AGBL4: variants seen among roughly 807,000 people sequenced by gnomAD.
AGBL4 encodes the protein AGBL carboxypeptidase 4.
In AGBL4, 58 loss-of-function variants were observed where a neutral mutation model predicts 66.4. That is an observed-to-expected ratio of 0.87 (90% CI 0.71 to 1.09). AGBL4 has a LOEUF of 1.09. Ranked by LOEUF, AGBL4 falls within the 50% of genes least tolerant of loss-of-function variation. The pLI is 0.00. For synonymous variants in AGBL4, 234 were observed against 222.9 expected, an observed-to-expected ratio of 1.05 and a Z score of -0.44; for missense variants, 579 against 631.0, an observed-to-expected ratio of 0.92 and a Z score of 0.88.
chr1:49,367,629 C>A (rs759520101), intron 3 of AGBL4, among the ~76,000 whole-genome samples: 27 of 152,150 alleles, frequency 1.8e-4, no homozygotes, highest in Non-Finnish European at 3.4e-4. Context: ...AAGATCCCAC[C>A]ATCGTGTGCA....
At chr1:49,469,417 T>C (rs1646696202) in intron 3 of AGBL4, among the ~76,000 whole-genome samples, 1 of 151,850 alleles carries the variant, frequency 6.6e-6, no homozygotes, top group Non-Finnish European at 1.5e-5. Context: ...TCCAATCAAA[T>C]AAGAGATTGG....
chr1:49,987,588 A>G (rs1321211082), intron 1 of AGBL4, among the ~76,000 whole-genome samples: 2 of 152,102 alleles, frequency 1.3e-5, no homozygotes, highest in Non-Finnish European at 2.9e-5. Context: ...GTTTGGTGTT[A>G]TCCATCTAAA....
At chr1:48,881,936 G>A (rs1649830146) in intron 5 of AGBL4, among the ~76,000 whole-genome samples, 1 of 152,160 alleles carries the variant, frequency 6.6e-6, no homozygotes, top group South Asian at 2.1e-4. Context: ...AGCCACATTG[G>A]CTTTGCCTCA....
intron 6 of AGBL4, among the ~76,000 whole-genome samples, chr1:48,700,600 A>G (rs1254995320): frequency 6.6e-6 from 1 of 152,198 alleles, no homozygotes; most frequent in East Asian, 1.9e-4. Flanking sequence ...CTGCCACACT[A>G]TCTGCATGTC....
At chr1:49,754,244 A>G (rs1571491711) in intron 2 of AGBL4, among the ~76,000 whole-genome samples, 1 of 148,096 alleles carries the variant, frequency 6.8e-6, no homozygotes, top group African/African-American at 2.5e-5. Context: ...TGACCTTCGG[A>G]TGGGGTTTTT....
chr1:48,610,891 G>T (rs1262751817), intron 9 of AGBL4, among the ~76,000 whole-genome samples: 5 of 152,126 alleles, frequency 3.3e-5, no homozygotes, highest in African/African-American at 1.2e-4. Flanking sequence ...AAGAAGGGGG[G>T]CATCAAATAC....
At chr1:48,667,050 C>T (rs918357383) in intron 6 of AGBL4, among the ~76,000 whole-genome samples, 2 of 152,210 alleles carry the variant, frequency 1.3e-5, no homozygotes, top group Non-Finnish European at 2.9e-5. Flanking sequence ...CAAATTTGTG[C>T]TTTTAACTAC....
At chr1:49,486,104 C>T (rs1443470773) in intron 3 of AGBL4, among the ~76,000 whole-genome samples, 1 of 151,850 alleles carries the variant, frequency 6.6e-6, no homozygotes, top group Non-Finnish European at 1.5e-5. Context: ...GAGTGAGTCC[C>T]ACCTCTTCTC....
chr1:49,097,982 G>A (rs1334442439), intron 4 of AGBL4, among the ~76,000 whole-genome samples: 2 of 152,208 alleles, frequency 1.3e-5, no homozygotes, highest in Non-Finnish European at 2.9e-5. Flanking sequence ...CTACCTAGTT[G>A]AAAAATTCAG....
chr1:49,037,533 C>G (rs936770579), intron 5 of AGBL4, among the ~76,000 whole-genome samples: 1 of 152,018 alleles, frequency 6.6e-6, no homozygotes, highest in African/African-American at 2.4e-5. Flanking sequence ...CTGTCACCAC[C>G]CTTCCTATTT....
intron 3 of AGBL4, among the ~76,000 whole-genome samples, chr1:49,298,805 G>A (rs1424869443): frequency 1.3e-5 from 2 of 152,198 alleles, no homozygotes; most frequent in African/African-American, 4.8e-5. Context: ...ATAGCAGCAA[G>A]AGAAACTTTC....
rs953989746 is a variant in AGBL4, at chr1:49,800,722, T to C, written c.157+50674A>G. 5.8e-5 allele frequency among the ~76,000 whole-genome samples: 6 copies of C among 102,848 alleles called. No individual in the cohort carries two copies. In the Admixed American group the frequency reaches 7.2e-4, roughly 12 times the overall value. The allele number at this position is 102,848 out of a possible 152,430, so 67.5% of individuals were successfully genotyped here. ...ATCATTTTTTATGGCTGCATAGTAT[T>C]CCATGGTGTATATGTGCCACATTTT... On this transcript the variant is annotated intron_variant, in intron 2 of 13. Transcript: ENST00000371839.
rs1043548977 is a variant in AGBL4 at position 48,827,148 on chromosome 1, T to C, written c.634+40043A>G. 3.3e-5 allele frequency among the ~76,000 whole-genome samples: 5 copies of C among 152,242 alleles called. No homozygotes were observed. The East Asian group carries it at 9.6e-4, about 29-fold the overall frequency. ...TTGTATTGCCTCAGTATGCTATTAC[T>C]GTACTATACTTTCATTTGGTAGAAA... On this transcript the variant is annotated intron_variant, in intron 6 of 13. Transcript: ENST00000371839.
At chr1:49,437,874 T>G (rs1645937303) in intron 3 of AGBL4, among the ~76,000 whole-genome samples, 1 of 152,196 alleles carries the variant, frequency 6.6e-6, no homozygotes, top group African/African-American at 2.4e-5. Context: ...AGGTTAATCT[T>G]AAGTCTGCTG....
intron 4 of AGBL4, among the ~76,000 whole-genome samples, chr1:49,147,891 C>A (rs1409126126): frequency 6.6e-6 from 1 of 152,162 alleles, no homozygotes; most frequent in African/African-American, 2.4e-5. Flanking sequence ...AGTCTCAAGT[C>A]ATGCAAGTTG....
At chr1:49,483,426 C>G (rs1022464966) in intron 3 of AGBL4, among the ~76,000 whole-genome samples, 4 of 151,906 alleles carry the variant, frequency 2.6e-5, no homozygotes, top group African/African-American at 9.7e-5. Flanking sequence ...AAATTGAATG[C>G]AATCCCTCTC....
intron 3 of AGBL4, among the ~76,000 whole-genome samples, chr1:49,280,254 G>C (rs1242299833): frequency 6.6e-6 from 1 of 152,036 alleles, no homozygotes; most frequent in Non-Finnish European, 1.5e-5. Flanking sequence ...AACTACTTTT[G>C]AAAAACCCCA....
chr1:49,389,133 T>G (rs1644797113), intron 3 of AGBL4, among the ~76,000 whole-genome samples: 1 of 152,058 alleles, frequency 6.6e-6, no homozygotes, highest in African/African-American at 2.4e-5. Flanking sequence ...ACCAAAAACC[T>G]CTTTGAGGGG....
At chr1:48,847,469 G>C (rs968696792) in intron 6 of AGBL4, among the ~76,000 whole-genome samples, 1 of 150,748 alleles carries the variant, frequency 6.6e-6, no homozygotes, top group Non-Finnish European at 1.5e-5. Flanking sequence ...GTGAATCTCA[G>C]CTGGGTGATC....
Sources: gnomAD v4.1 joint callset for allele counts (sites outside exome capture counted in the v4.1 genomes callset) on GRCh38, gnomAD v4.1.1 for gene constraint, MANE v1.5 for transcripts, NCBI Gene and HGNC (gene_info 2026-07-23, HGNC 2026-07-21) for gene names.